CLVS1: variants seen among roughly 807,000 people sequenced by gnomAD.
The protein encoded by CLVS1 is clavesin 1.
In CLVS1, 10 loss-of-function variants were observed where a neutral mutation model predicts 33.1. The ratio of observed to expected loss-of-function variants is 0.30; its 90% CI spans 0.19 to 0.51. The LOEUF (loss-of-function observed/expected upper bound fraction) is 0.51, where lower values mean the gene tolerates loss of function less well. Among genes scored for constraint, CLVS1 ranks in the 20% least tolerant of loss-of-function variants. The probability of loss-of-function intolerance (pLI) is 0.97; values close to 1 mark genes in which losing one functional copy is unlikely to be tolerated. For missense variants in CLVS1, 343 were observed against 433.4 expected (o/e 0.79, Z 1.85); for synonymous variants, 163 against 166.1 (o/e 0.98, Z 0.14).
At chr8:61,167,001 T>C (rs114670583) in intron 2 of CLVS1, among the ~76,000 whole-genome samples, 3,969 of 151,138 alleles carry the variant, frequency 0.026, 165 homozygotes, top group African/African-American at 0.09. Flanking sequence ...TATTTTAATT[T>C]AATCAATAAA....
intron 2 of CLVS1, among the ~76,000 whole-genome samples, chr8:61,150,101 G>GGTGTGTGTGTGTGTGT (rs10653874): frequency 0.24 from 35,493 of 146,202 alleles, 5,337 homozygotes; most frequent in Middle Eastern, 0.4. Context: ...ATTTGAGAAA[G>GGTGTGTGTGTGTGTGT]GTGTGTGTGT....
intron 2 of CLVS1, among the ~76,000 whole-genome samples, chr8:61,139,477 C>A (rs1806264242): frequency 6.6e-6 from 1 of 152,224 alleles, no homozygotes; most frequent in Admixed American, 6.5e-5. Context: ...TGTCTGCGGG[C>A]AGGAGCCGGG....
intron 3 of CLVS1, among the ~76,000 whole-genome samples, chr8:61,450,313 CAA>C (rs1036437245): frequency 6.6e-6 from 1 of 151,306 alleles, no homozygotes; most frequent in African/African-American, 2.4e-5. Flanking sequence ...TTTTAAAAAG[CAA>C]AAAAAACTTA....
At chr8:61,352,182 G>T in intron 2 of CLVS1, among the ~76,000 whole-genome samples, 1 of 151,850 alleles carries the variant, frequency 6.6e-6, no homozygotes, top group East Asian at 1.9e-4. Flanking sequence ...CATTGGAAAA[G>T]GTAAAATGTT....
intron 1 of CLVS1, among the ~76,000 whole-genome samples, chr8:61,093,901 G>C (rs1407409049): frequency 1.3e-5 from 2 of 152,244 alleles, no homozygotes; most frequent in East Asian, 3.9e-4. Context: ...AGCAGGGACA[G>C]ACAGGCCAGT....
At chr8:60,988,759 T>G in the CLVS1 span, among the ~76,000 whole-genome samples, 1 of 152,218 alleles carries the variant, frequency 6.6e-6, no homozygotes, top group Non-Finnish European at 1.5e-5. Context: ...CTACTACAAC[T>G]TTGTATGCCT....
At chr8:60,968,758 A>G in the CLVS1 span, among the ~76,000 whole-genome samples, 2 of 149,182 alleles carry the variant, frequency 1.3e-5, no homozygotes, top group East Asian at 4.0e-4. Flanking sequence ...GTGTGGGGGC[A>G]TGTGCCTGTA....
At chr8:61,275,335 A>T (rs958145912) in intron 2 of CLVS1, among the ~76,000 whole-genome samples, 22 of 152,150 alleles carry the variant, frequency 1.4e-4, no homozygotes, top group African/African-American at 4.8e-4. Flanking sequence ...TCTGTGGCCC[A>T]GTTTTTATCA....
chr8:61,221,023 A>G (rs78339428), intron 2 of CLVS1, among the ~76,000 whole-genome samples: 3 of 152,178 alleles, frequency 2.0e-5, no homozygotes, highest in Non-Finnish European at 4.4e-5. Context: ...GAGATTTTGC[A>G]CATTTATTTT....
At chr8:61,498,877 T>A (rs1804389966) in intron 5 of CLVS1, among the ~76,000 whole-genome samples, 1 of 152,178 alleles carries the variant, frequency 6.6e-6, no homozygotes, top group Non-Finnish European at 1.5e-5. Context: ...TTCATGGTCT[T>A]AACATCATGC....
intron 1 of CLVS1, among the ~76,000 whole-genome samples, chr8:61,103,886 T>A (rs1307497588): frequency 6.6e-6 from 1 of 152,174 alleles, no homozygotes; most frequent in African/African-American, 2.4e-5. Flanking sequence ...TGGGTGGGGA[T>A]TTATGAGTAA....
intron 5 of CLVS1, among the ~76,000 whole-genome samples, chr8:61,487,999 G>A (rs986615127): frequency 9.9e-5 from 15 of 152,102 alleles, no homozygotes; most frequent in African/African-American, 3.6e-4. Context: ...TGATAATTAG[G>A]GATGCTGTGA....
intron 2 of CLVS1, among the ~76,000 whole-genome samples, chr8:61,135,050 G>T (rs1010616320): frequency 7.2e-5 from 11 of 151,794 alleles, no homozygotes; most frequent in Non-Finnish European, 1.6e-4. Context: ...GCACACACAA[G>T]GCTTTGAGTG....
intron 2 of CLVS1, among the ~76,000 whole-genome samples, chr8:61,272,642 A>T (rs1809470705): frequency 6.6e-6 from 1 of 152,218 alleles, no homozygotes; most frequent in African/African-American, 2.4e-5. Context: ...AATCAGACGT[A>T]GATTTGGTCT....
chr8:61,108,431 A>C (rs1451117098), intron 1 of CLVS1, among the ~76,000 whole-genome samples: 2 of 152,194 alleles, frequency 1.3e-5, no homozygotes, highest in African/African-American at 4.8e-5. Flanking sequence ...CAAAAGCTCT[A>C]AATGGCTCCA....
intron 2 of CLVS1, among the ~76,000 whole-genome samples, chr8:61,150,419 C>T (rs2129294744): frequency 6.6e-6 from 1 of 152,288 alleles, no homozygotes; most frequent in East Asian, 1.9e-4. Context: ...AGCTTAGTCT[C>T]CTGAGACCAG....
chr8:61,200,860 T>C (rs578017802), intron 2 of CLVS1, among the ~76,000 whole-genome samples: 1 of 152,256 alleles, frequency 6.6e-6, no homozygotes, highest in Non-Finnish European at 1.5e-5. Flanking sequence ...TTTACTCTTA[T>C]TGATTGTTGA....
chr8:61,288,191 C>G, intron 1 of CLVS1, 53 bp downstream of exon 1: 1 of 456,318 alleles, frequency 2.2e-6, no homozygotes, highest in African/African-American at 2.0e-5. Flanking sequence ...CCCCGCCTTT[C>G]CCCCGCTCTT....
At chr8:61,040,166 A>T in the CLVS1 span, among the ~76,000 whole-genome samples, 4 of 152,322 alleles carry the variant, frequency 2.6e-5, no homozygotes, top group East Asian at 7.7e-4. Context: ...TCTGCAAAGG[A>T]CATAATTTCA....
Sources: allele counts gnomAD v4.1 joint callset (sites outside exome capture counted in the v4.1 genomes callset), GRCh38; gene constraint gnomAD v4.1.1; transcripts MANE v1.5; gene names NCBI Gene and HGNC (gene_info 2026-07-23, HGNC 2026-07-21).